Variants in SPTAN1 observed in about 807,000 individuals in gnomAD.
SPTAN1 encodes the protein spectrin alpha, non-erythrocytic 1.
Under a neutral mutation model 331.3 loss-of-function variants are expected in SPTAN1, and 61 were observed. That is an observed-to-expected ratio of 0.18 (90% CI 0.15 to 0.23). SPTAN1 has a LOEUF of 0.23. SPTAN1 is among the 10% of genes least tolerant of loss of function. The pLI, the probability that SPTAN1 is intolerant of heterozygous loss-of-function variation, is 1.00. For synonymous variants in SPTAN1, 1,153 were observed against 1,173.9 expected (o/e 0.98, Z 0.36); for missense variants, 2,043 against 3,147.9 (o/e 0.65, Z 8.40).
chr9:128,564,797 G>T (rs938886908), intron 1 of SPTAN1, among the ~76,000 whole-genome samples: 10 of 152,048 alleles, frequency 6.6e-5, no homozygotes, highest in African/African-American at 2.4e-4. Flanking sequence ...ATAAATAAGC[G>T]CTATCTAGGC....
intron 1 of SPTAN1, among the ~76,000 whole-genome samples, chr9:128,556,311 A>G (rs1319932392): frequency 6.6e-6 from 1 of 152,164 alleles, no homozygotes; most frequent in Non-Finnish European, 1.5e-5. Context: ...CAAAAAAAAA[A>G]TTTAGTATCT....
rs142777123 is a variant in SPTAN1 at position 128,633,265 on chromosome 9, C to T, written c.7365C>T (p.Asp2455=). 6.1e-5 allele frequency: 99 copies of T among 1,613,970 alleles called. 1 individual carries two copies. The African/African-American group carries it at 7.6e-4, about 12-fold the overall frequency. ...YCVSHMKPYV[D]GKGRELPTAF... ...TCTCCCACATGAAGCCCTACGTGGA[C>T]GGCAAGGGCCGCGAGCTCCCCACCG... The change falls in exon 57 of 57, where the codon GAC becomes GAT. Residue 2455 remains aspartate (D), a synonymous_variant. Coordinates refer to ENST00000372739, the MANE Select transcript of SPTAN1 (RefSeq NM_001130438.3).
In SPTAN1 at chr9:128,587,587, T is replaced by A; in HGVS notation, c.2779-19T>A. 6.2e-7 allele frequency: 1 copy of A among 1,609,792 alleles called. No individual in the cohort carries two copies. The highest frequency in any genetic ancestry group is 1.1e-5 in the South Asian group (1 of 90,980). On this transcript the variant is annotated intron_variant, in intron 19 of 56. Transcript: ENST00000372739. ...GCTTCAGCCCCTGCACAGTGCTCCA[T>A]GTGTGGTTTTGGTTTCAGGCTCTAC...
rs781689993 is a variant in SPTAN1, at chr9:128,587,696, C to A, written c.2869C>A (p.Arg957=). ...TTTGCGAGAACAAGCACAGTCCTGC[C>A]GGGTAAACTTGTAACAGTTTATGGG... ...QALREQAQSC[R]QQVAPTDDET... The change falls in exon 20 of 57, where the codon CGG becomes AGG. Residue 957 remains arginine (R), a splice_region_variant and synonymous_variant. Coordinates refer to ENST00000372739, the MANE Select transcript of SPTAN1 (RefSeq NM_001130438.3). 2 of 1,613,756 alleles carry A rather than the reference C, an allele frequency of 1.2e-6. No homozygotes were observed. The highest frequency in any genetic ancestry group is 1.7e-6 in the Non-Finnish European group (2 of 1,179,874).
At position 128,627,861 on chromosome 9, in the gene SPTAN1, C is replaced by G; in HGVS notation, c.6690-64C>G. 6.3e-7 allele frequency: 1 copy of G among 1,590,530 alleles called. No individual in the cohort carries two copies. Among genetic ancestry groups the G allele is most frequent in the Non-Finnish European group, 8.6e-7 (1 of 1,158,470 alleles). On this transcript the variant is annotated intron_variant, in intron 50 of 56. Transcript: ENST00000372739. The surrounding 1 kb of genome is among the most constrained non-coding windows in gnomAD (Gnocchi z 4.9). ...CTTTCTTGTGTCTTCTCTCTGTCCC[C>G]CCGATTGCTGCTGTTGTCCGGACAC...
intron 41 of SPTAN1, among the ~76,000 whole-genome samples, chr9:128,617,220 C>G (rs999774515): frequency 6.8e-6 from 1 of 147,304 alleles, no homozygotes; most frequent in Non-Finnish European, 1.5e-5. Flanking sequence ...GCCTGGGCAA[C>G]AGAATGAGAC....
rs564499693 is a variant in SPTAN1, at chr9:128,621,423, C to T, written c.5832+167C>T. On this transcript the variant is annotated intron_variant, in intron 45 of 56. Transcript: ENST00000372739. ...TGTTTCGTGACAAGTTGGATATTTC[C>T]CCCTTTTTGAAGCCAGTAAAGTTAT... Among the ~76,000 whole-genome samples the T allele has an allele frequency of 4.7e-4, 71 of 152,302 alleles. No individual in the cohort carries two copies. The South Asian group carries it at 0.014, about 31-fold the overall frequency.
intron 56 of SPTAN1, 21 bp from the exon 57 acceptor site, chr9:128,633,188 G>T (rs1265032517): frequency 6.2e-7 from 1 of 1,613,672 alleles, no homozygotes; most frequent in South Asian, 1.1e-5. Flanking sequence ...CAGGCACCAG[G>T]TGCCATCTCT....
chr9:128,587,187 C>T (rs1852766453), intron 19 of SPTAN1, among the ~76,000 whole-genome samples: 1 of 152,134 alleles, frequency 6.6e-6, no homozygotes, highest in Non-Finnish European at 1.5e-5. Context: ...CTGTGCTCAG[C>T]AGTCTTCCTG....
intron 21 of SPTAN1, among the ~76,000 whole-genome samples, 163 bp downstream of exon 21, chr9:128,589,106 C>T (rs1244746065): frequency 1.3e-5 from 2 of 152,134 alleles, no homozygotes; most frequent in Admixed American, 6.5e-5. Flanking sequence ...TTATGCAGTA[C>T]TGTGTATGAC....
rs754037849 is a variant in SPTAN1, at chr9:128,568,960, A to G, written c.363+63A>G. On this transcript the variant is annotated intron_variant, in intron 3 of 56. Transcript: ENST00000372739. ...TGGGTGGAGCATTGTAGATTCATGC[A>G]TACATGTCAGTTTGGGTTCCCAAAA... 234 of 1,608,544 alleles carry G rather than the reference A, an allele frequency of 1.5e-4. 1 individual carries two copies. Among genetic ancestry groups the G allele is most frequent in the Middle Eastern group, 1.3e-3 (8 of 6,032 alleles).
intron 10 of SPTAN1, among the ~76,000 whole-genome samples, chr9:128,580,015 A>T (rs1851749606): frequency 6.6e-6 from 1 of 152,048 alleles, no homozygotes; most frequent in Admixed American, 6.6e-5. Context: ...AGCAAAGAGG[A>T]AACAAATTTT....
rs761085721 is a variant in SPTAN1, at chr9:128,555,449, C to T, written c.-4+2753C>T. 13 of 1,274,706 alleles carry T rather than the reference C, an allele frequency of 1.0e-5. No homozygotes were observed. The South Asian group carries it at 1.2e-4, about 12-fold the overall frequency. The allele number at this position is 1,274,706 out of a possible 1,614,324, so 79.0% of individuals were successfully genotyped here. A position where few individuals can be genotyped will look rare whatever the true frequency, so the allele number is the denominator to read the frequency against. ...GGGTTGCCTTTTTGGTTTTGCCTGG[C>T]TTGCAGTGAAGGCATATTCGTGTCA... On this transcript the variant is annotated intron_variant, in intron 1 of 56. Coordinates refer to ENST00000372739, the MANE Select transcript of SPTAN1 (RefSeq NM_001130438.3).
rs928468181 is a variant in SPTAN1, at chr9:128,552,730, G to A, written c.-4+34G>A. 4.6e-5 allele frequency: 7 copies of A among 151,774 alleles called. No homozygotes were observed. The highest frequency in any genetic ancestry group is 1.7e-4 in the African/African-American group (7 of 41,340). 9.4% of individuals were successfully genotyped at this position (151,774 alleles called of 1,614,324 possible). A position where few individuals can be genotyped will look rare whatever the true frequency, so the allele number is the denominator to read the frequency against. On this transcript the variant is annotated intron_variant, in intron 1 of 56. Transcript: ENST00000372739. This position sits in a 1 kb window ranked among gnomAD's most constrained non-coding sequence, Gnocchi z 4.6. ...GGCAGCCGGGGAGCTCCGGGAGGGA[G>A]CGGGGCCCCGGGCAGCCGACCCCCG...
Position 128,607,677 on chromosome 9 carries a change from G to C in SPTAN1, c.4120G>C (p.Ala1374Pro). The change falls in exon 32 of 57, where the codon GCT (alanine) becomes CCT (proline). Residue 1374 changes from alanine to proline, a missense_variant. By Grantham distance (27) the Ala-to-Pro change is conservative. Around this residue, in one of 12 missense-constraint regions of SPTAN1, gnomAD observed 179 missense variants for 215.7 expected, o/e 0.83. Transcript: ENST00000372739. ...SDELAKDVTG[A>P]EALLERHQEH... ...TGAGCTAGCCAAGGATGTCACCGGA[G>C]CTGAGGCATTGCTGGAGCGACACCA... 6.2e-7 allele frequency: 1 copy of C among 1,614,108 alleles called. No homozygotes were observed. The highest frequency in any genetic ancestry group is 8.5e-7 in the Non-Finnish European group (1 of 1,180,024).
chr9:128,568,499 A>T lies in SPTAN1; in HGVS notation c.238-273A>T, dbSNP rs143006800. On this transcript the variant is annotated intron_variant, in intron 2 of 56. Coordinates refer to ENST00000372739, the MANE Select transcript of SPTAN1 (RefSeq NM_001130438.3). ...GCAAAAACAAAAAATTATTAATAGG[A>T]TATTTTGTAGCATCTTCCATTGACA... Among the ~76,000 whole-genome samples, 230 of 152,300 alleles carry T rather than the reference A, an allele frequency of 1.5e-3. No homozygotes were observed. The highest frequency in any genetic ancestry group is 2.7e-3 in the Non-Finnish European group (186 of 68,020).
chr9:128,603,082 G>T (rs966266653), intron 27 of SPTAN1, among the ~76,000 whole-genome samples: 1 of 152,096 alleles, frequency 6.6e-6, no homozygotes, highest in Non-Finnish European at 1.5e-5. Flanking sequence ...ACGGGGATAC[G>T]GTTAAAAAGA....
chr9:128,578,672 T>C (rs7027510), intron 9 of SPTAN1, among the ~76,000 whole-genome samples: 23,838 of 151,906 alleles, frequency 0.16, 2,383 homozygotes, highest in East Asian at 0.44. Flanking sequence ...CTACTAAAAA[T>C]GCAACAGTTA....
chr9:128,581,474 C>CAAAAA (rs11429372), intron 11 of SPTAN1, among the ~76,000 whole-genome samples: 2 of 133,568 alleles, frequency 1.5e-5, no homozygotes, highest in Non-Finnish European at 1.6e-5. Context: ...TCCTGTCTCA[C>CAAAAA]AAAAAAAAAA....
Sources: allele counts gnomAD v4.1 joint callset (sites outside exome capture counted in the v4.1 genomes callset), GRCh38; gene constraint gnomAD v4.1.1; regional missense constraint gnomAD v4.1.1; non-coding constraint Gnocchi (gnomAD v3.1); transcripts MANE v1.5; gene names NCBI Gene and HGNC (gene_info 2026-07-23, HGNC 2026-07-21).